SEMA3E: variants seen among roughly 807,000 people sequenced by gnomAD.
SEMA3E encodes semaphorin-3E.
SEMA3E carries 49 observed loss-of-function variants against 93.6 expected under a neutral mutation model. The observed-to-expected ratio is 0.52, with a 90% CI of 0.42 to 0.66. The LOEUF is 0.66. Among genes scored for constraint, SEMA3E ranks in the 30% least tolerant of loss-of-function variants. The probability of loss-of-function intolerance (pLI) is 0.00; values close to 1 mark genes in which losing one functional copy is unlikely to be tolerated. For missense variants in SEMA3E, 906 were observed against 964.8 expected (o/e 0.94, Z 0.81); for synonymous variants, 363 against 330.7 (o/e 1.10, Z -1.06).
chr7:83,491,974 A>G (rs895275784), intron 1 of SEMA3E, among the ~76,000 whole-genome samples: 2 of 152,054 alleles, frequency 1.3e-5, no homozygotes, highest in African/African-American at 4.8e-5. Flanking sequence ...ACTGTCTGCT[A>G]TCATTATAAT....
intron 13 of SEMA3E, 123 bp from the exon 14 acceptor site, chr7:83,392,844 A>C (rs1037871921): frequency 9.7e-6 from 9 of 927,328 alleles, no homozygotes; most frequent in Non-Finnish European, 1.5e-5. Flanking sequence ...TAATTCACTT[A>C]AATTAGCAGT....
chr7:83,374,157 G>A (rs1794787291), intron 16 of SEMA3E, among the ~76,000 whole-genome samples: 1 of 135,072 alleles, frequency 7.4e-6, no homozygotes, highest in African/African-American at 2.9e-5. Flanking sequence ...GATAAGCCGA[G>A]ATCACGCCAT....
intron 16 of SEMA3E, among the ~76,000 whole-genome samples, chr7:83,373,452 T>A (rs1794777046): frequency 6.6e-6 from 1 of 152,110 alleles, no homozygotes; most frequent in Non-Finnish European, 1.5e-5. Context: ...ATATACCTAA[T>A]ATGACAGAGC....
At chr7:83,531,591 G>A (rs538799630) in intron 1 of SEMA3E, among the ~76,000 whole-genome samples, 11 of 151,988 alleles carry the variant, frequency 7.2e-5, no homozygotes, top group Non-Finnish European at 1.3e-4. Context: ...GACCTCAAGC[G>A]ATCTGCCCAC....
In SEMA3E at chr7:83,365,327, A is replaced by G. The variant is rs981345811; in HGVS notation, c.*2259T>C. On this transcript the variant is annotated 3_prime_UTR_variant, in exon 17 of 17. Coordinates refer to ENST00000643230, the MANE Select transcript of SEMA3E (RefSeq NM_012431.3). The stretch of plus-strand genomic sequence containing the variant: ...CAAGATTATATACATATATATGTAC[A>G]TATGTGTGTGTATAATTATATGTAA... The G allele has an allele frequency of 1.3e-5, 2 of 152,092 alleles. No individual in the cohort carries two copies. The highest frequency in any genetic ancestry group is 2.9e-5 in the Non-Finnish European group (2 of 68,012). 9.4% of individuals were successfully genotyped at this position (152,092 alleles called of 1,614,324 possible).
chr7:83,479,410 G>T (rs1790095821), intron 2 of SEMA3E, among the ~76,000 whole-genome samples: 1 of 151,948 alleles, frequency 6.6e-6, no homozygotes, highest in Non-Finnish European at 1.5e-5. Context: ...AATATTTTAG[G>T]GTAGGCACTG....
chr7:83,532,188 AT>A (rs1176756551), intron 1 of SEMA3E, among the ~76,000 whole-genome samples: 2 of 152,040 alleles, frequency 1.3e-5, no homozygotes, highest in Non-Finnish European at 2.9e-5. Context: ...TTCTTGTTAT[AT>A]TTTTCTTGAT....
At chr7:83,623,308 T>C (rs1793604045) in intron 1 of SEMA3E, among the ~76,000 whole-genome samples, 1 of 152,078 alleles carries the variant, frequency 6.6e-6, no homozygotes, top group Non-Finnish European at 1.5e-5. Context: ...TACATTCAAA[T>C]AAAGGAATAT....
chr7:83,501,708 T>G (rs540910140), intron 1 of SEMA3E, among the ~76,000 whole-genome samples: 1 of 152,212 alleles, frequency 6.6e-6, no homozygotes, highest in African/African-American at 2.4e-5. Flanking sequence ...ACAGGTCTAA[T>G]GTAACTTGTT....
chr7:83,501,114 A>G (rs868640013), intron 1 of SEMA3E, among the ~76,000 whole-genome samples: 1 of 152,310 alleles, frequency 6.6e-6, no homozygotes, highest in Middle Eastern at 3.4e-3. Context: ...ATACATTTAC[A>G]TCATATTCTT....
At chr7:83,589,511 C>A (rs1046954146) in intron 1 of SEMA3E, among the ~76,000 whole-genome samples, 2 of 152,112 alleles carry the variant, frequency 1.3e-5, no homozygotes, top group Non-Finnish European at 2.9e-5. Context: ...CACGAGACAT[C>A]TAGGCCTGAG....
At chr7:83,398,965 C>A (rs1038816467) in intron 11 of SEMA3E, among the ~76,000 whole-genome samples, 2 of 151,486 alleles carry the variant, frequency 1.3e-5, no homozygotes, top group Admixed American at 6.6e-5. Context: ...AACAAACCAA[C>A]AAAACAAAAA....
chr7:83,497,616 T>C (rs746164947), intron 1 of SEMA3E, among the ~76,000 whole-genome samples: 5 of 152,254 alleles, frequency 3.3e-5, no homozygotes, highest in Non-Finnish European at 7.3e-5. Flanking sequence ...ATTTGACTGA[T>C]GATCACTAGT....
At chr7:83,441,532 G>A (rs1789114684) in intron 4 of SEMA3E, among the ~76,000 whole-genome samples, 1 of 152,292 alleles carries the variant, frequency 6.6e-6, no homozygotes. Flanking sequence ...TGCTGCAGCT[G>A]GGTCTGCCGT....
At chr7:83,440,881 T>A (rs1189784344) in intron 4 of SEMA3E, among the ~76,000 whole-genome samples, 1 of 150,152 alleles carries the variant, frequency 6.7e-6, no homozygotes, top group African/African-American at 2.5e-5. Context: ...CAAACACATA[T>A]AAGGAAAGTT....
chr7:83,457,774 C>T (rs984304451), intron 4 of SEMA3E, among the ~76,000 whole-genome samples: 1 of 152,110 alleles, frequency 6.6e-6, no homozygotes, highest in African/African-American at 2.4e-5. Flanking sequence ...TTTACAATAA[C>T]ACAAAATGCC....
intron 1 of SEMA3E, among the ~76,000 whole-genome samples, chr7:83,577,556 T>A (rs922784539): frequency 4.5e-4 from 69 of 152,150 alleles, no homozygotes; most frequent in African/African-American, 1.6e-3. Context: ...AATATTATAT[T>A]TTGTCTGTAT....
chr7:83,403,420 A>G (rs1035246771), intron 9 of SEMA3E, among the ~76,000 whole-genome samples: 30 of 152,110 alleles, frequency 2.0e-4, no homozygotes, highest in Admixed American at 1.9e-3. Context: ...ACTAGCGGAA[A>G]GCAAAAAAAT....
rs756665148 is a variant in SEMA3E, at chr7:83,648,556, C to T, written c.-14G>A. On this transcript the variant is annotated 5_prime_UTR_variant, in exon 1 of 17. The change creates a new upstream start codon in the 5' untranslated region. Transcript: ENST00000643230. Reference sequence around the variant, plus strand: ...CGCGGATGCCATGCTGCCGTGTTCACCGTCCAAGCCCTCGCTCCTCACTTT... The same window carrying T: ...CGCGGATGCCATGCTGCCGTGTTCATCGTCCAAGCCCTCGCTCCTCACTTT... 1 of 1,586,686 alleles carries T rather than the reference C, an allele frequency of 6.3e-7. No homozygotes were observed. The highest frequency in any genetic ancestry group is 8.7e-7 in the Non-Finnish European group (1 of 1,155,620).
Sources: allele counts gnomAD v4.1 joint callset (sites outside exome capture counted in the v4.1 genomes callset), GRCh38; gene constraint gnomAD v4.1.1; transcripts MANE v1.5; gene names NCBI Gene and HGNC (gene_info 2026-07-23, HGNC 2026-07-21).